Variants in SAFB observed in about 807,000 individuals in gnomAD.
The protein encoded by SAFB is scaffold attachment factor B.
In SAFB, 15 loss-of-function variants were observed where a neutral mutation model predicts 101.6. The ratio of observed to expected loss-of-function variants is 0.15; its 90% confidence interval spans 0.10 to 0.23. The LOEUF is 0.23. Ranked by LOEUF, SAFB falls within the 10% of genes least tolerant of loss-of-function variation. SAFB has a pLI of 1.00. For missense variants in SAFB, 930 were observed against 1,104.1 expected, an observed-to-expected ratio of 0.84 and a Z score of 2.23; for synonymous variants, 449 against 407.5, an observed-to-expected ratio of 1.10 and a Z score of -1.23.
In SAFB at chr19:5,668,246, C is replaced by T; in HGVS notation, c.2709C>T (p.Ser903=). 1 of 1,611,516 alleles carries T rather than the reference C, an allele frequency of 6.2e-7. No homozygotes were observed. The highest frequency in any genetic ancestry group is 8.5e-7 in the Non-Finnish European group (1 of 1,179,480). ...GGMQGGFGGQ[S]RGSRPSDARF... is the part of the protein sequence containing the mutation. ...TGCAGGGCGGGTTTGGAGGCCAGAG[C>T]CGGGGGAGCAGGCCCAGCGATGCCC... The change falls in exon 21 of 21, where the codon AGC becomes AGT. Residue 903 remains serine, a synonymous_variant. Transcript: ENST00000588852.
chr19:5,645,420 G>A (rs1181229648), intron 5 of SAFB, 21 bp downstream of exon 5: 1 of 1,185,882 alleles, frequency 8.4e-7, no homozygotes, highest in Non-Finnish European at 1.3e-6. Context: ...GTATGTCTCA[G>A]TACTTTTAGA....
At chr19:5,630,520 A>G (rs936715482) in intron 2 of SAFB, among the ~76,000 whole-genome samples, 5 of 152,210 alleles carry the variant, frequency 3.3e-5, no homozygotes, top group Non-Finnish European at 7.4e-5. Flanking sequence ...CCGTAATCCC[A>G]CGATGCAGGT....
intron 11 of SAFB, 45 bp downstream of exon 11, chr19:5,653,465 G>T (rs370454745): frequency 9.6e-6 from 15 of 1,555,982 alleles, no homozygotes; most frequent in Non-Finnish European, 1.2e-5. Context: ...GGTGTTTTTT[G>T]TTGTTGTTGT....
intron 13 of SAFB, among the ~76,000 whole-genome samples, chr19:5,656,646 G>C (rs983955015): frequency 6.7e-6 from 1 of 148,750 alleles, no homozygotes; most frequent in Non-Finnish European, 1.5e-5. Context: ...GCGCGTCCTC[G>C]GTTCACTGCA....
At chr19:5,648,726 T>C in intron 6 of SAFB, 1 of 619,102 alleles carries the variant, frequency 1.6e-6, no homozygotes, top group Non-Finnish European at 2.9e-6. Context: ...GAATGAAGAC[T>C]GTCAAGAATC....
At chr19:5,661,011 G>A (rs756049818) in intron 14 of SAFB, among the ~76,000 whole-genome samples, 2 of 146,284 alleles carry the variant, frequency 1.4e-5, no homozygotes, top group Non-Finnish European at 3.0e-5. Context: ...TCTGCCTCAC[G>A]GGCTCCAGTG....
intron 15 of SAFB, among the ~76,000 whole-genome samples, chr19:5,662,544 T>G (rs575734129): frequency 5.2e-4 from 79 of 151,148 alleles, no homozygotes; most frequent in African/African-American, 1.9e-3. Context: ...GCTGGTTAAC[T>G]AACCAGGTTC....
chr19:5,667,193 A>G lies in SAFB; in HGVS notation c.2453+29A>G. The G allele has an allele frequency of 3.6e-6, 4 of 1,096,044 alleles. No homozygotes were observed. Among genetic ancestry groups the G allele is most frequent in the South Asian group, 1.6e-5 (1 of 61,180 alleles). 67.9% of individuals were successfully genotyped at this position (1,096,044 alleles called of 1,614,324 possible). ...TGTGTCCCACACCCGACAGTACCTG[A>G]CCCCCCCCCCGCCCACAAGGGGGCC... On this transcript the variant is annotated intron_variant, in intron 18 of 20. Coordinates refer to ENST00000588852, the MANE Select transcript of SAFB (RefSeq NM_001201338.2). The surrounding 1 kb of genome is among the most constrained non-coding windows in gnomAD (Gnocchi z 4.0).
In SAFB at chr19:5,654,050, GT is replaced by G. The variant is rs755350460; in HGVS notation, c.1527-5del. ...GCCACCACGCCCAGCCAACATGTCT[GT>G]TTTTTATAGATCTACAAACCTTAAG... On this transcript the variant is annotated splice_polypyrimidine_tract_variant and intron_variant, in intron 11 of 20. Transcript: ENST00000588852. The G allele has an allele frequency of 1.4e-4, 233 of 1,613,694 alleles. 1 individual carries two copies. The African/African-American group carries it at 2.6e-3, about 18-fold the overall frequency.
intron 2 of SAFB, among the ~76,000 whole-genome samples, chr19:5,634,849 A>C (rs917390279): frequency 6.6e-6 from 1 of 152,128 alleles, no homozygotes; most frequent in African/African-American, 2.4e-5. Flanking sequence ...AAAAATTTAC[A>C]CAGTTCCGCA....
chr19:5,644,941 G>A (rs1259380124), intron 4 of SAFB, among the ~76,000 whole-genome samples: 5 of 152,210 alleles, frequency 3.3e-5, no homozygotes, highest in Non-Finnish European at 7.3e-5. Flanking sequence ...CAGGCTGGGC[G>A]AGCAGCGGTG....
intron 2 of SAFB, among the ~76,000 whole-genome samples, chr19:5,638,079 A>C (rs1295322582): frequency 6.6e-6 from 1 of 152,246 alleles, no homozygotes; most frequent in Non-Finnish European, 1.5e-5. Flanking sequence ...CATTTGTATG[A>C]AAAAGCAAAT....
intron 2 of SAFB, among the ~76,000 whole-genome samples, chr19:5,626,749 T>TAAG (rs2053371662): frequency 6.6e-6 from 1 of 152,206 alleles, no homozygotes; most frequent in Non-Finnish European, 1.5e-5. Flanking sequence ...GGTCCTTAAA[T>TAAG]AAGGAGTCTT....
At chr19:5,666,939 G>T in intron 17 of SAFB, 107 bp from the exon 18 acceptor site, 1 of 800,522 alleles carries the variant, frequency 1.2e-6, no homozygotes, top group Non-Finnish European at 2.3e-6. Flanking sequence ...CAGCACTTCT[G>T]TCCCGAGTGA....
chr19:5,655,450 A>T (rs1599368854), intron 13 of SAFB, among the ~76,000 whole-genome samples: 1 of 126,056 alleles, frequency 7.9e-6, no homozygotes, highest in Non-Finnish European at 1.6e-5. Context: ...AGAGAGTGAG[A>T]CCCCATCTCA....
In SAFB at chr19:5,653,339, C is replaced by G. The variant is rs1283481590; in HGVS notation, c.1445C>G (p.Ala482Gly). The G allele has an allele frequency of 6.2e-7, 1 of 1,613,890 alleles. No individual in the cohort carries two copies. The highest frequency in any genetic ancestry group is 1.7e-5 in the Admixed American group (1 of 59,978). ...LHGKMISVEK[A>G]KNEPVGKKTS... is the part of the protein sequence containing the mutation. ...GTAATACTTGATTCTCTTTTTCAGG[C>G]CAAAAATGAACCTGTGGGAAAGAAA... Residue 482 changes from alanine to glycine, a missense_variant and splice_region_variant, in exon 11 of 21, where the codon GCC becomes GGC. Around this residue, in one of 7 missense-constraint regions of SAFB, gnomAD observed 92 missense variants for 83.8 expected, o/e 1.10. Coordinates refer to ENST00000588852, the MANE Select transcript of SAFB (RefSeq NM_001201338.2).
intron 11 of SAFB, 36 bp downstream of exon 11, chr19:5,653,456 G>A (rs2145460200): frequency 6.3e-7 from 1 of 1,583,578 alleles, no homozygotes; most frequent in Non-Finnish European, 8.7e-7. Flanking sequence ...AAGGGGCAGG[G>A]TGTTTTTTGT....
intron 1 of SAFB, among the ~76,000 whole-genome samples, chr19:5,624,416 G>T (rs2053296749): frequency 6.6e-6 from 1 of 152,054 alleles, no homozygotes; most frequent in Non-Finnish European, 1.5e-5. Context: ...GGGCTCTAAC[G>T]CCTCCCTTGG....
chr19:5,664,521 T>G, intron 17 of SAFB, 82 bp downstream of exon 17: 1 of 1,074,686 alleles, frequency 9.3e-7, no homozygotes, highest in Non-Finnish European at 1.4e-6. Context: ...CTTCCTGCCC[T>G]TTCTTTGAGC....
Sources: gnomAD v4.1 joint callset for allele counts (sites outside exome capture counted in the v4.1 genomes callset) on GRCh38, gnomAD v4.1.1 for gene constraint, gnomAD v4.1.1 regional missense constraint, Gnocchi (gnomAD v3.1) non-coding constraint, MANE v1.5 for transcripts, NCBI Gene and HGNC (gene_info 2026-07-23, HGNC 2026-07-21) for gene names.